Variants in PWWP2A observed in about 807,000 individuals in gnomAD.
PWWP2A encodes the protein PWWP domain-containing protein 2A.
In PWWP2A, 18 loss-of-function variants were observed where a neutral mutation model predicts 48.5. That is an observed-to-expected ratio of 0.37 (90% confidence interval 0.26 to 0.55). The LOEUF is 0.55. Ranked by LOEUF, PWWP2A falls within the 20% of genes least tolerant of loss-of-function variation. The pLI is 0.81. For synonymous variants in PWWP2A, 396 were observed against 387.7 expected, an observed-to-expected ratio of 1.02 and a Z score of -0.25; for missense variants, 867 against 976.4, an observed-to-expected ratio of 0.89 and a Z score of 1.49.
intron 1 of PWWP2A, among the ~76,000 whole-genome samples, chr5:160,099,594 TAG>T (rs1204586112): frequency 6.6e-6 from 1 of 152,042 alleles, no homozygotes; most frequent in East Asian, 1.9e-4. Context: ...GTGCTGGGAT[TAG>T]AGGTGTGAGC....
downstream of PWWP2A, among the ~76,000 whole-genome samples, chr5:160,073,919 G>T (rs1264194054): frequency 6.6e-6 from 1 of 151,616 alleles, no homozygotes; most frequent in Non-Finnish European, 1.5e-5. Context: ...ACAAAAATTA[G>T]CCGGGCATGG....
At chr5:160,083,380 G>C (rs1009031521) in intron 2 of PWWP2A, among the ~76,000 whole-genome samples, 1 of 152,278 alleles carries the variant, frequency 6.6e-6, no homozygotes, top group Non-Finnish European at 1.5e-5. Flanking sequence ...AGTTCAAGGC[G>C]TTGGAATGTG....
intron 1 of PWWP2A, among the ~76,000 whole-genome samples, chr5:160,111,757 G>C (rs78257799): frequency 6.6e-6 from 1 of 152,146 alleles, no homozygotes; most frequent in Non-Finnish European, 1.5e-5. Flanking sequence ...TGAATTTGTA[G>C]GGTTAATTGA....
the PWWP2A span, among the ~76,000 whole-genome samples, chr5:160,055,214 A>G: frequency 2.0e-5 from 3 of 152,178 alleles, no homozygotes; most frequent in African/African-American, 7.2e-5. Context: ...CCCAGCCAAG[A>G]AGTCTTTCAA....
intron 1 of PWWP2A, chr5:160,113,306 C>G (rs1757782383): frequency 4.1e-6 from 4 of 981,268 alleles, no homozygotes; most frequent in South Asian, 9.4e-5. Context: ...ATGTGTTCTC[C>G]AACCAAATAA....
exon 3 of PWWP2A, chr5:160,080,658 T>G: frequency 6.4e-7 from 1 of 1,550,956 alleles, no homozygotes; most frequent in Non-Finnish European, 8.7e-7. Flanking sequence ...GACCTGCCCG[T>G]TTCACTGTTA....
chr5:160,045,454 CCACACACACACACACACACACACACA>C, the PWWP2A span, among the ~76,000 whole-genome samples: 796 of 38,878 alleles, frequency 0.02, 12 homozygotes, highest in East Asian at 0.031. Flanking sequence ...CCCCCACCCT[CCACACACACACACACACACACACACA>C]CACACACACA....
At chr5:160,061,746 A>G, downstream of PWWP2A, 1 of 152,250 alleles carries the variant, frequency 6.6e-6, no homozygotes, top group Admixed American at 6.5e-5. Context: ...AAGGAAAAAG[A>G]ATAATTATCT....
At chr5:160,091,035 A>G, downstream of PWWP2A, 1 of 985,170 alleles carries the variant, frequency 1.0e-6, no homozygotes, top group Non-Finnish European at 1.2e-6. Flanking sequence ...ATGTAAAAAA[A>G]GGAAGCATGT....
chr5:160,099,782 A>G (rs1289224142), intron 1 of PWWP2A, among the ~76,000 whole-genome samples: 1 of 151,772 alleles, frequency 6.6e-6, no homozygotes, highest in Non-Finnish European at 1.5e-5. Context: ...GGTTCAAGCA[A>G]TTCTCATGCC....
At chr5:160,090,289 A>G, downstream of PWWP2A, 4 of 985,298 alleles carry the variant, frequency 4.1e-6, no homozygotes, top group Non-Finnish European at 4.8e-6. Flanking sequence ...AACTACTGTT[A>G]AAACTCACCC....
At chr5:160,109,833 AT>A in intron 1 of PWWP2A, among the ~76,000 whole-genome samples, 2 of 139,524 alleles carry the variant, frequency 1.4e-5, no homozygotes, top group Admixed American at 1.5e-4. Context: ...ATATATATAT[AT>A]ATATATATCC....
chr5:160,079,832 A>G (rs1246982221), intron 3 of PWWP2A, among the ~76,000 whole-genome samples: 1 of 152,252 alleles, frequency 6.6e-6, no homozygotes, highest in East Asian at 1.9e-4. Flanking sequence ...ATAAGTGTCC[A>G]AAATCCCAGC....
chr5:160,066,320 G>C (rs1236847769), intron 4 of PWWP2A, among the ~76,000 whole-genome samples: 1 of 23,328 alleles, frequency 4.3e-5, no homozygotes, highest in African/African-American at 1.8e-4. Context: ...TTTTTTGAGG[G>C]GGGTCTCGCT....
chr5:160,092,536 G>A lies in PWWP2A; in HGVS notation c.2114C>T (p.Ala705Val). The A allele has an allele frequency of 6.4e-7, 1 of 1,551,638 alleles. No homozygotes were observed. Among genetic ancestry groups the A allele is most frequent in the Middle Eastern group, 1.7e-4 (1 of 5,992 alleles). ...TAAAAAGGGGGAGAGTTGTGAAAGA[G>A]CAAGGAAAGATGTTGTTGGAGACCC... ...WFGSPTTSFL[A>V]LSQLSPFLEN... Residue 705 changes from alanine (A) to valine (V), a missense_variant, in exon 2 of 2, where the codon GCT (alanine) becomes GTT (valine). Ala to Val is a moderately conservative substitution (Grantham distance 64, BLOSUM62 0). Coordinates refer to ENST00000307063, the MANE Select transcript of PWWP2A (RefSeq NM_001130864.2).
intron 1 of PWWP2A, among the ~76,000 whole-genome samples, chr5:160,106,750 C>T (rs541166208): frequency 2.6e-5 from 4 of 151,732 alleles, no homozygotes; most frequent in South Asian, 2.1e-4. Context: ...ATCAGCCACC[C>T]GAGTTGCCCA....
chr5:160,062,044 G>A (rs1236128183), exon 6 of PWWP2A: 2 of 152,260 alleles, frequency 1.3e-5, no homozygotes, highest in Admixed American at 6.5e-5. Flanking sequence ...GGGAAGGGTG[G>A]CCTCTGCATG....
chr5:160,110,822 G>C (rs183310812), intron 1 of PWWP2A, among the ~76,000 whole-genome samples: 1 of 150,842 alleles, frequency 6.6e-6, no homozygotes, highest in East Asian at 2.0e-4. Flanking sequence ...ACCTGAGGTC[G>C]GGAGTTTGAA....
downstream of PWWP2A, among the ~76,000 whole-genome samples, chr5:160,089,102 T>A (rs1754865136): frequency 6.6e-6 from 1 of 152,142 alleles, no homozygotes; most frequent in Admixed American, 6.5e-5. Flanking sequence ...ATTTACAGAT[T>A]TTTTTCCCCA....
Sources: gnomAD v4.1 joint callset for allele counts (sites outside exome capture counted in the v4.1 genomes callset) on GRCh38, gnomAD v4.1.1 for gene constraint, MANE v1.5 for transcripts, NCBI Gene and HGNC (gene_info 2026-07-23, HGNC 2026-07-21) for gene names.